Variants in ZNF385D observed in about 807,000 individuals in gnomAD.
ZNF385D encodes the protein zinc finger protein 385D.
Under a neutral mutation model 35.8 loss-of-function variants are expected in ZNF385D, and 15 were observed. The observed-to-expected ratio is 0.42, with a 90% confidence interval of 0.28 to 0.64. The LOEUF (loss-of-function observed/expected upper bound fraction) is 0.64. Among genes scored for constraint, ZNF385D ranks in the 30% least tolerant of loss-of-function variants. The pLI is 0.23. For missense variants in ZNF385D, 474 were observed against 494.6 expected (o/e 0.96, Z 0.39); for synonymous variants, 212 against 186.8 (o/e 1.13, Z -1.10).
chr3:22,181,090 T>C (rs1453601394), intron 2 of ZNF385D, among the ~76,000 whole-genome samples: 1 of 152,066 alleles, frequency 6.6e-6, no homozygotes, highest in East Asian at 1.9e-4. Flanking sequence ...GACTTTCTTA[T>C]ATTATCTGCA....
chr3:21,810,193 T>A (rs868850595), intron 3 of ZNF385D, among the ~76,000 whole-genome samples: 1 of 152,156 alleles, frequency 6.6e-6, no homozygotes, highest in Non-Finnish European at 1.5e-5. Context: ...AAATACATCA[T>A]GATCAATTAG....
At chr3:21,596,525 T>C (rs2064132057) in intron 2 of ZNF385D, among the ~76,000 whole-genome samples, 1 of 152,138 alleles carries the variant, frequency 6.6e-6, no homozygotes, top group Non-Finnish European at 1.5e-5. Context: ...TTTTATTTAT[T>C]TATTTTTTTA....
chr3:22,057,804 G>A (rs1218217673), intron 3 of ZNF385D, among the ~76,000 whole-genome samples: 3 of 152,072 alleles, frequency 2.0e-5, no homozygotes, highest in Non-Finnish European at 4.4e-5. Flanking sequence ...TTGAGCCACT[G>A]TGCCCGGCCT....
chr3:22,169,392 G>A (rs957065046), intron 2 of ZNF385D, among the ~76,000 whole-genome samples: 2 of 152,088 alleles, frequency 1.3e-5, no homozygotes, highest in African/African-American at 4.8e-5. Flanking sequence ...GCTAACAAGT[G>A]GTATAGCTGT....
intron 2 of ZNF385D, among the ~76,000 whole-genome samples, chr3:21,602,129 G>T (rs956728640): frequency 6.6e-6 from 1 of 152,110 alleles, no homozygotes; most frequent in African/African-American, 2.4e-5. Context: ...GTGTGCAGGG[G>T]AATTCCCATT....
chr3:22,131,842 T>C (rs934768167), intron 3 of ZNF385D, among the ~76,000 whole-genome samples: 1 of 152,064 alleles, frequency 6.6e-6, no homozygotes, highest in Non-Finnish European at 1.5e-5. Flanking sequence ...AATCATCCAG[T>C]GGGTTGAGAG....
chr3:21,866,277 A>AC (rs1312598772), intron 3 of ZNF385D, among the ~76,000 whole-genome samples: 9 of 151,986 alleles, frequency 5.9e-5, no homozygotes, highest in African/African-American at 2.2e-4. Flanking sequence ...ACATGGTGAA[A>AC]CCCCGTCTCT....
chr3:21,732,777 T>A (rs11712735), intron 1 of ZNF385D, among the ~76,000 whole-genome samples: 31,975 of 152,180 alleles, frequency 0.21, 3,537 homozygotes, highest in South Asian at 0.32. Flanking sequence ...GTTCTCTGTA[T>A]ATTTTGGATG....
intron 3 of ZNF385D, among the ~76,000 whole-genome samples, chr3:22,081,544 G>A (rs1700749922): frequency 6.6e-6 from 1 of 152,166 alleles, no homozygotes; most frequent in Non-Finnish European, 1.5e-5. Flanking sequence ...TCTTCCTCAT[G>A]AGCACACAGG....
At position 22,113,027 on chromosome 3, in the gene ZNF385D, G is replaced by T. The variant is rs139515764; in HGVS notation, c.325+55790C>A. Among the ~76,000 whole-genome samples the T allele has an allele frequency of 2.0e-5, 3 of 151,858 alleles. No individual in the cohort carries two copies. The East Asian group carries it at 5.8e-4, about 29-fold the overall frequency. On this transcript the variant is annotated intron_variant, in intron 3 of 5. Transcript: ENST00000494108. ...CCTTGGTCAACCCCAACAATCTCTC[G>T]GTCGCATTTGTGGAAATGAAGTAGA...
intron 3 of ZNF385D, among the ~76,000 whole-genome samples, chr3:21,904,302 CAA>C (rs548922115): frequency 0.22 from 17,338 of 78,020 alleles, 645 homozygotes; most frequent in African/African-American, 0.3. Flanking sequence ...GACTCCATCT[CAA>C]AAAAAAAAAA....
At position 21,417,701 on chromosome 3, in the gene ZNF385D, TCTG is replaced by T. The variant is rs1250381610; in HGVS notation, c.*3510_*3512del. On this transcript the variant is annotated 3_prime_UTR_variant, in exon 8 of 8. Transcript: ENST00000281523. ...GCCTCTTTGATTCTATTTTGAAACT[TCTG>T]CTGTCTTTTAATTCTTAGTCTTTTA... The T allele has an allele frequency of 6.6e-6, 1 of 152,140 alleles. No homozygotes were observed. Among genetic ancestry groups the T allele is most frequent in the Admixed American group, 6.5e-5 (1 of 15,268 alleles). 9.4% of individuals were successfully genotyped at this position (152,140 alleles called of 1,614,324 possible). A position where few individuals can be genotyped will look rare whatever the true frequency, so the allele number is the denominator to read the frequency against.
At chr3:22,116,224 T>C (rs1343146037) in intron 3 of ZNF385D, among the ~76,000 whole-genome samples, 1 of 152,106 alleles carries the variant, frequency 6.6e-6, no homozygotes, top group African/African-American at 2.4e-5. Flanking sequence ...CTTTGTATTC[T>C]CTCCTGAATC....
chr3:21,808,335 G>A (rs188690643), intron 3 of ZNF385D, among the ~76,000 whole-genome samples: 2 of 152,256 alleles, frequency 1.3e-5, no homozygotes, highest in East Asian at 3.9e-4. Flanking sequence ...ACACCTTCTT[G>A]AATTTACCTT....
At chr3:22,201,344 T>G (rs1256426879) in intron 2 of ZNF385D, among the ~76,000 whole-genome samples, 2 of 152,102 alleles carry the variant, frequency 1.3e-5, no homozygotes, top group African/African-American at 4.8e-5. Flanking sequence ...ATCTAAACAC[T>G]GTTTTCCACT....
chr3:21,670,671 C>T lies in ZNF385D; in HGVS notation c.23-5643G>A, dbSNP rs796291259. 9.1e-5 allele frequency among the ~76,000 whole-genome samples: 2 copies of T among 22,040 alleles called. 1 individual carries two copies. Among genetic ancestry groups the T allele is most frequent in the Non-Finnish European group, 2.6e-4 (2 of 7,778 alleles). 14.5% of individuals were successfully genotyped at this position (22,040 alleles called of 152,430 possible). A position where few individuals can be genotyped will look rare whatever the true frequency, so the allele number is the denominator to read the frequency against. On this transcript the variant is annotated intron_variant, in intron 1 of 7. Coordinates refer to ENST00000281523, the MANE Select transcript of ZNF385D (RefSeq NM_024697.3). The stretch of plus-strand genomic sequence containing the variant: ...AGGCGCCCCCCCCCCCCCCCCCCCC[C>T]CCAATGACTGAACGAATCCCCTTTG...
intron 2 of ZNF385D, among the ~76,000 whole-genome samples, chr3:21,626,550 T>C (rs1307861705): frequency 6.6e-6 from 1 of 152,142 alleles, no homozygotes; most frequent in Non-Finnish European, 1.5e-5. Flanking sequence ...CCAGAGGCTA[T>C]GTCAGGATAA....
Position 22,313,279 on chromosome 3 carries a change from T to G in ZNF385D, c.106+59171A>C, listed in dbSNP as rs28825497. ...TCGGGGGAGGGGGGAGGGATAGCAT[T>G]AGGAGATATACCTAATGCTAAATGA... On this transcript the variant is annotated intron_variant, in intron 2 of 5. Transcript: ENST00000494108. Among the ~76,000 whole-genome samples the G allele has an allele frequency of 4.7e-5, 7 of 148,398 alleles. No homozygotes were observed. In the East Asian group the frequency reaches 1.0e-3, roughly 22 times the overall value.
chr3:22,316,581 T>G (rs2125437918), intron 2 of ZNF385D, among the ~76,000 whole-genome samples: 1 of 152,324 alleles, frequency 6.6e-6, no homozygotes, highest in African/African-American at 2.4e-5. Context: ...TGAAGTCAAC[T>G]TTGAAGTTTG....
Sources: gnomAD v4.1 joint callset for allele counts (sites outside exome capture counted in the v4.1 genomes callset) on GRCh38, gnomAD v4.1.1 for gene constraint, MANE v1.5 for transcripts, NCBI Gene and HGNC (gene_info 2026-07-23, HGNC 2026-07-21) for gene names.